Variants in NFXL1 observed in about 807,000 individuals in gnomAD.
The protein encoded by NFXL1 is NF-X1-type zinc finger protein NFXL1.
In NFXL1, 66 loss-of-function variants were observed where a neutral mutation model predicts 123.3. The observed-to-expected ratio is 0.54, with a 90% CI of 0.44 to 0.66. The LOEUF is 0.66. Ranked by LOEUF, NFXL1 falls within the 30% of genes least tolerant of loss-of-function variation. The pLI, the probability that NFXL1 is intolerant of heterozygous loss-of-function variation, is 0.00. For synonymous variants in NFXL1, 346 were observed against 360.8 expected (o/e 0.96, Z 0.46); for missense variants, 944 against 1,125.6 (o/e 0.84, Z 2.31).
At chr4:47,886,429 A>G (rs890418791) in intron 12 of NFXL1, among the ~76,000 whole-genome samples, 8 of 151,676 alleles carry the variant, frequency 5.3e-5, no homozygotes, top group Non-Finnish European at 7.4e-5. Context: ...GTGCTGTTGC[A>G]TGATCACAGC....
At chr4:47,886,035 A>G (rs774604425) in intron 12 of NFXL1, 36 bp from the exon 13 acceptor site, 1 of 1,603,426 alleles carries the variant, frequency 6.2e-7, no homozygotes, top group South Asian at 1.1e-5. Flanking sequence ...AAGTTTCCTT[A>G]ACTACCCAAA....
chr4:47,912,722 T>C (rs1336460464), intron 2 of NFXL1, among the ~76,000 whole-genome samples: 2 of 140,980 alleles, frequency 1.4e-5, no homozygotes, highest in African/African-American at 5.2e-5. Context: ...CCTCCCAAAG[T>C]GCTGGGATTA....
chr4:47,869,306 T>C (rs1735290990), intron 18 of NFXL1, among the ~76,000 whole-genome samples: 1 of 152,158 alleles, frequency 6.6e-6, no homozygotes, highest in African/African-American at 2.4e-5. Flanking sequence ...ACAAAGCTAC[T>C]GTATTAAAAC....
intron 12 of NFXL1, among the ~76,000 whole-genome samples, chr4:47,890,261 T>C (rs1390547817): frequency 6.6e-6 from 1 of 152,036 alleles, no homozygotes; most frequent in Non-Finnish European, 1.5e-5. Flanking sequence ...AATAAGGTGT[T>C]CAAAATGCTA....
At chr4:47,880,510 A>T (rs887166657) in intron 15 of NFXL1, among the ~76,000 whole-genome samples, 6 of 151,456 alleles carry the variant, frequency 4.0e-5, no homozygotes, top group Non-Finnish European at 7.4e-5. Context: ...CTGGTAAAGG[A>T]CTTGTCTTCA....
At chr4:47,874,005 C>T (rs577506156) in intron 18 of NFXL1, among the ~76,000 whole-genome samples, 22 of 152,290 alleles carry the variant, frequency 1.4e-4, no homozygotes, top group African/African-American at 4.8e-4. Flanking sequence ...CCTTATGAAC[C>T]AACCTATGCT....
chr4:47,870,235 A>AAGAC (rs1431261370), intron 18 of NFXL1, among the ~76,000 whole-genome samples: 2 of 152,218 alleles, frequency 1.3e-5, no homozygotes, highest in African/African-American at 2.4e-5. Context: ...AGACAATACA[A>AAGAC]AATTTAAAAA....
intron 19 of NFXL1, among the ~76,000 whole-genome samples, chr4:47,860,852 A>G (rs1274324493): frequency 6.7e-6 from 1 of 150,238 alleles, no homozygotes; most frequent in Non-Finnish European, 1.5e-5. Context: ...GGGCCCAGCA[A>G]TCTGTGTTTT....
At chr4:47,855,665 T>G (rs112741430) in intron 19 of NFXL1, among the ~76,000 whole-genome samples, 69 of 152,172 alleles carry the variant, frequency 4.5e-4, no homozygotes, top group African/African-American at 1.4e-3. Context: ...TTCCCTGTAC[T>G]GCACTGTGGG....
At chr4:47,889,874 G>A (rs1488722904) in intron 12 of NFXL1, among the ~76,000 whole-genome samples, 2 of 152,150 alleles carry the variant, frequency 1.3e-5, no homozygotes, top group Non-Finnish European at 1.5e-5. Flanking sequence ...GAAAAGTGAT[G>A]TCCATAGCAG....
intron 18 of NFXL1, among the ~76,000 whole-genome samples, chr4:47,864,646 A>G (rs897238840): frequency 6.6e-6 from 1 of 152,150 alleles, no homozygotes; most frequent in Non-Finnish European, 1.5e-5. Context: ...TGCCTATCCA[A>G]TGAATTCTCC....
At chr4:47,880,807 T>TAAAAAAAAAAAAAAAAA (rs57880960) in intron 15 of NFXL1, among the ~76,000 whole-genome samples, 1 of 78,834 alleles carries the variant, frequency 1.3e-5, no homozygotes, top group African/African-American at 4.7e-5. Flanking sequence ...AATTAATGAG[T>TAAAAAAAAAAAAAAAAA]AAAAAAAAAA....
intron 15 of NFXL1, among the ~76,000 whole-genome samples, chr4:47,880,807 T>TAAAAAAAAAAAAAAA (rs57880960): frequency 1.3e-5 from 1 of 78,834 alleles, no homozygotes; most frequent in Non-Finnish European, 2.5e-5. Flanking sequence ...AATTAATGAG[T>TAAAAAAAAAAAAAAA]AAAAAAAAAA....
intron 18 of NFXL1, among the ~76,000 whole-genome samples, chr4:47,863,352 T>C (rs1157893795): frequency 2.0e-5 from 3 of 152,212 alleles, no homozygotes; most frequent in African/African-American, 7.2e-5. Flanking sequence ...AATTAACTTA[T>C]TTAAAAAGCT....
In NFXL1 at chr4:47,885,552, A is replaced by G. The variant is rs763143391; in HGVS notation, c.1770T>C (p.Gly590=). ...QPCQKVLEKC[G]HLCPAPCHDQ... ...CATGACACGGAGCAGGACACAAGTG[A>G]CCACATTTCTCCAAAACTTTTTGGC... The change falls in exon 14 of 23, where the codon GGT becomes GGC. Residue 590 remains glycine, a synonymous_variant. Coordinates refer to ENST00000507489, the MANE Select transcript of NFXL1 (RefSeq NM_001278624.2). 9 of 1,613,730 alleles carry G rather than the reference A, an allele frequency of 5.6e-6. 1 individual carries two copies. The South Asian group carries it at 9.9e-5, about 18-fold the overall frequency.
At chr4:47,912,461 CTTT>C (rs11344755) in intron 2 of NFXL1, among the ~76,000 whole-genome samples, 13 of 117,826 alleles carry the variant, frequency 1.1e-4, no homozygotes, top group Non-Finnish European at 1.6e-4. Flanking sequence ...TCTTTTCTTT[CTTT>C]TTTTTTTTTT....
chr4:47,896,196 A>G (rs1402704838), intron 10 of NFXL1, among the ~76,000 whole-genome samples: 3 of 152,238 alleles, frequency 2.0e-5, no homozygotes. Context: ...AAAGTCTGAA[A>G]TAGTGCAAGA....
intron 19 of NFXL1, among the ~76,000 whole-genome samples, chr4:47,861,762 T>G (rs1046504513): frequency 6.6e-6 from 1 of 152,216 alleles, no homozygotes; most frequent in Non-Finnish European, 1.5e-5. Context: ...TCTCTTCTTA[T>G]AATCTTACAT....
At chr4:47,882,875 C>A (rs1736198409) in intron 15 of NFXL1, among the ~76,000 whole-genome samples, 1 of 152,122 alleles carries the variant, frequency 6.6e-6, no homozygotes, top group Non-Finnish European at 1.5e-5. Flanking sequence ...ACAAATAGTT[C>A]TTCTTTACTC....
Sources: gnomAD v4.1 joint callset for allele counts (sites outside exome capture counted in the v4.1 genomes callset) on GRCh38, gnomAD v4.1.1 for gene constraint, MANE v1.5 for transcripts, NCBI Gene and HGNC (gene_info 2026-07-23, HGNC 2026-07-21) for gene names.